Variants in CLTC observed in about 807,000 individuals in gnomAD.
The protein encoded by CLTC is clathrin heavy chain 1.
CLTC carries 16 observed loss-of-function variants against 195.8 expected under a neutral mutation model. That is an observed-to-expected ratio of 0.08 (90% CI 0.06 to 0.12). The LOEUF (loss-of-function observed/expected upper bound fraction) is 0.12, where lower values mean the gene tolerates loss of function less well. Among genes scored for constraint, CLTC ranks in the 10% least tolerant of loss-of-function variants. CLTC has a pLI of 1.00. For synonymous variants in CLTC, 667 were observed against 689.4 expected (o/e 0.97, Z 0.51); for missense variants, 796 against 2,027.0 (o/e 0.39, Z 11.66).
chr17:59,648,212 A>G lies in CLTC; in HGVS notation c.520-28A>G. 6.3e-7 allele frequency: 1 copy of G among 1,577,990 alleles called. No individual in the cohort carries two copies. The highest frequency in any genetic ancestry group is 8.6e-7 in the Non-Finnish European group (1 of 1,160,808). On this transcript the variant is annotated intron_variant, in intron 3 of 31. Transcript: ENST00000269122. This position sits in a 1 kb window ranked among gnomAD's most constrained non-coding sequence, Gnocchi z 4.5. ...GAGAGTTTTTGATTTATGGGTCTTC[A>G]AACGTTATTCTCTTTGATCCTTTAT...
chr17:59,628,940 G>A (rs796935767), intron 1 of CLTC, among the ~76,000 whole-genome samples: 2 of 152,128 alleles, frequency 1.3e-5, no homozygotes, highest in African/African-American at 4.8e-5. Context: ...GGGATTACAG[G>A]CGTGAGCCAT....
intron 30 of CLTC, chr17:59,689,941 C>T (rs1268188403): frequency 6.6e-6 from 1 of 152,228 alleles, no homozygotes; most frequent in Non-Finnish European, 1.5e-5. Context: ...TACAGAATTA[C>T]TTCTGTCTGA....
At chr17:59,632,453 G>A (rs7214576) in intron 1 of CLTC, among the ~76,000 whole-genome samples, 116,675 of 150,900 alleles carry the variant, frequency 0.77, 46,116 homozygotes, top group East Asian at 0.93. Flanking sequence ...TAATTTGAAA[G>A]AACCAAAATT....
At position 59,681,715 on chromosome 17, in the gene CLTC, G is replaced by C; in HGVS notation, c.3318G>C (p.Ala1106=). The C allele has an allele frequency of 6.2e-7, 1 of 1,614,032 alleles. No individual in the cohort carries two copies. The highest frequency in any genetic ancestry group is 8.5e-7 in the Non-Finnish European group (1 of 1,179,956). Residue 1106 remains alanine, a synonymous_variant, in exon 21 of 32, where the codon GCG becomes GCC. Transcript: ENST00000269122. The surrounding 1 kb of genome is among the most constrained non-coding windows in gnomAD (Gnocchi z 5.0). ...YEFAERCNEP[A]VWSQLAKAQL... is the part of the protein sequence containing the mutation. ...TTGCTGAACGTTGCAATGAACCTGC[G>C]GTCTGGAGTCAACTTGCAAAAGCCC...
rs1184910476 is a variant in CLTC, at chr17:59,696,025, C to CAGTT, written c.*2175_*2178dup. The stretch of plus-strand genomic sequence containing the variant: ...ATTCCTTTTAGTAGATATGCCATGA[C>CAGTT]AGTTACTTAGCCACCCCATGCCATC... On this transcript the variant is annotated 3_prime_UTR_variant, in exon 32 of 32. Coordinates refer to ENST00000269122, the MANE Select transcript of CLTC (RefSeq NM_004859.4). 6 of 207,624 alleles carry CAGTT rather than the reference C, an allele frequency of 2.9e-5. No homozygotes were observed. The highest frequency in any genetic ancestry group is 1.4e-4 in the African/African-American group (6 of 43,970). The allele number at this position is 207,624 out of a possible 1,614,324, so 12.9% of individuals were successfully genotyped here.
rs1598193817 is a variant in CLTC at position 59,619,932 on chromosome 17, A to G, written c.-200A>G. The stretch of plus-strand genomic sequence containing the variant: ...AGTCTGCGCTGCGCCCGGTTCCGCC[A>G]TTGCGGCTCTCCTGGCCCCTGGAGC... On this transcript the variant is annotated 5_prime_UTR_variant, in exon 1 of 32. Coordinates refer to ENST00000269122, the MANE Select transcript of CLTC (RefSeq NM_004859.4). 1.8e-6 allele frequency: 1 copy of G among 544,508 alleles called. No individual in the cohort carries two copies. Among genetic ancestry groups the G allele is most frequent in the Admixed American group, 3.2e-5 (1 of 31,664 alleles). The allele number at this position is 544,508 out of a possible 1,614,324, so 33.7% of individuals were successfully genotyped here.
In CLTC at chr17:59,655,848, C is replaced by T; in HGVS notation, c.796-6C>T. On this transcript the variant is annotated splice_polypyrimidine_tract_variant and splice_region_variant and intron_variant, in intron 5 of 31. Transcript: ENST00000269122. ...TTTTACTAAAGTGTTGATTTTCTTT[C>T]TGTAGATCAGTGAAAAGCATGATGT... is the stretch of plus-strand genomic sequence containing the variant. The T allele has an allele frequency of 6.5e-7, 1 of 1,540,268 alleles. No homozygotes were observed. Among genetic ancestry groups the T allele is most frequent in the Non-Finnish European group, 8.7e-7 (1 of 1,149,820 alleles).
chr17:59,660,269 A>G, intron 6 of CLTC, 122 bp from the exon 7 acceptor site: 3 of 818,680 alleles, frequency 3.7e-6, no homozygotes, highest in Middle Eastern at 3.7e-4. Context: ...AATGGCAGCA[A>G]GAAAACAGCT....
chr17:59,660,285 A>C, intron 6 of CLTC, 106 bp from the exon 7 acceptor site: 1 of 948,066 alleles, frequency 1.1e-6, no homozygotes, highest in South Asian at 1.6e-5. Context: ...CAGCTGTCAC[A>C]ATTTCATTAC....
chr17:59,620,135 G>T lies in CLTC; in HGVS notation c.4G>T (p.Ala2Ser). Residue 2 changes from alanine (A) to serine (S), a missense_variant, in exon 1 of 32, where the codon GCC (alanine) becomes TCC (serine). Ala to Ser is a moderately conservative substitution (Grantham distance 99). This residue lies in a region of CLTC where 24 missense variants were observed against 29.8 expected (regional missense o/e 0.81). Coordinates refer to ENST00000269122, the MANE Select transcript of CLTC (RefSeq NM_004859.4). The stretch of plus-strand genomic sequence containing the variant: ...GACCATAACCCCCGACAGCGCCATG[G>T]CCCAGATTCTGCCAATTCGTTTTCA... MAQILPIRFQEH... is the reference protein window; with the variant it reads MSQILPIRFQEH... 6.2e-7 allele frequency: 1 copy of T among 1,614,106 alleles called. No individual in the cohort carries two copies. The highest frequency in any genetic ancestry group is 8.5e-7 in the Non-Finnish European group (1 of 1,180,016).
At chr17:59,692,514 C>G (rs1313760457) in intron 31 of CLTC, among the ~76,000 whole-genome samples, 2 of 152,188 alleles carry the variant, frequency 1.3e-5, no homozygotes, top group African/African-American at 4.8e-5. Flanking sequence ...GCCAAGTTCT[C>G]TACAGGTCAT....
At chr17:59,658,221 A>C (rs1164800169) in intron 6 of CLTC, among the ~76,000 whole-genome samples, 2 of 151,614 alleles carry the variant, frequency 1.3e-5, no homozygotes, top group Non-Finnish European at 1.5e-5. Context: ...AAAGAGAGAG[A>C]GCGCCAGGGT....
Position 59,666,053 on chromosome 17 carries a change from A to C in CLTC, c.1645-50A>C. 7.2e-7 allele frequency: 1 copy of C among 1,394,026 alleles called. No individual in the cohort carries two copies. Among genetic ancestry groups the C allele is most frequent in the Admixed American group, 1.8e-5 (1 of 55,048 alleles). 86.4% of individuals were successfully genotyped at this position (1,394,026 alleles called of 1,614,324 possible). On this transcript the variant is annotated intron_variant, in intron 10 of 31. Transcript: ENST00000269122. The surrounding 1 kb of genome is among the most constrained non-coding windows in gnomAD (Gnocchi z 4.9). ...AGAGTTCATGCATAATTTTGTCTACATACTCTCCATAGTATCTTAAAACAA... is the reference window on the plus strand; with the variant it reads ...AGAGTTCATGCATAATTTTGTCTACCTACTCTCCATAGTATCTTAAAACAA...
chr17:59,665,059 T>C (rs906952266), intron 10 of CLTC, 150 bp downstream of exon 10: 6 of 999,204 alleles, frequency 6.0e-6, no homozygotes, highest in African/African-American at 3.3e-5. Flanking sequence ...ACCCTGTAAC[T>C]ACAAAAAATT....
rs190089278 is a variant in CLTC at position 59,633,480 on chromosome 17, G to A, written c.43-10796G>A. Among the ~76,000 whole-genome samples, 6 of 151,862 alleles carry A rather than the reference G, an allele frequency of 4.0e-5. No homozygotes were observed. The East Asian group carries it at 7.7e-4, about 20-fold the overall frequency. Reference sequence around the variant, plus strand: ...TGCACTCCAGCCTGGGCGACAGAGCGAGACTCCATCTCAAAAAAAGAAAAA... The same window carrying A: ...TGCACTCCAGCCTGGGCGACAGAGCAAGACTCCATCTCAAAAAAAGAAAAA... On this transcript the variant is annotated intron_variant, in intron 1 of 31. Coordinates refer to ENST00000269122, the MANE Select transcript of CLTC (RefSeq NM_004859.4).
At chr17:59,642,321 CG>C (rs2032061738) in intron 1 of CLTC, among the ~76,000 whole-genome samples, 1 of 152,110 alleles carries the variant, frequency 6.6e-6, no homozygotes, top group Admixed American at 6.5e-5. Flanking sequence ...ATTTTTACTC[CG>C]ACTTCCTCAA....
chr17:59,628,907 C>G (rs2031628418), intron 1 of CLTC, among the ~76,000 whole-genome samples: 1 of 152,056 alleles, frequency 6.6e-6, no homozygotes, highest in South Asian at 2.1e-4. Flanking sequence ...AATAATCTAC[C>G]CTCCTCAGCT....
At chr17:59,679,256 C>A in intron 17 of CLTC, 141 bp from the exon 18 acceptor site, 1 of 597,222 alleles carries the variant, frequency 1.7e-6, no homozygotes, top group Non-Finnish European at 2.8e-6. Flanking sequence ...ATTACTGGTA[C>A]ATGAATCAAA....
intron 1 of CLTC, among the ~76,000 whole-genome samples, chr17:59,624,475 T>G (rs1473989970): frequency 6.8e-6 from 1 of 147,418 alleles, no homozygotes; most frequent in East Asian, 2.0e-4. Flanking sequence ...TTTTTTTTTT[T>G]TTTTGAGACA....
Sources: allele counts gnomAD v4.1 joint callset (sites outside exome capture counted in the v4.1 genomes callset), GRCh38; gene constraint gnomAD v4.1.1; regional missense constraint gnomAD v4.1.1; non-coding constraint Gnocchi (gnomAD v3.1); transcripts MANE v1.5; gene names NCBI Gene and HGNC (gene_info 2026-07-23, HGNC 2026-07-21).